SYT14: variants seen among roughly 807,000 people sequenced by gnomAD.
SYT14 encodes the protein synaptotagmin-14.
Under a neutral mutation model 74.2 loss-of-function variants are expected in SYT14, and 32 were observed. That is an observed-to-expected ratio of 0.43 (90% CI 0.33 to 0.58). The LOEUF is 0.58. Among genes scored for constraint, SYT14 ranks in the 20% least tolerant of loss-of-function variants. The pLI, the probability that SYT14 is intolerant of heterozygous loss-of-function variation, is 0.05. For synonymous variants in SYT14, 298 were observed against 337.7 expected (o/e 0.88, Z 1.29); for missense variants, 791 against 981.8 (o/e 0.81, Z 2.60).
At chr1:209,990,538 C>CGTATATATATATACGTATATATAT (rs2079648844) in intron 2 of SYT14, among the ~76,000 whole-genome samples, 1 of 40,072 alleles carries the variant, frequency 2.5e-5, no homozygotes, top group Non-Finnish European at 4.5e-5. Context: ...TATATATATA[C>CGTATATATATATACGTATATATAT]GTATATATAT....
Position 209,940,549 on chromosome 1 carries a change from G to T in SYT14, c.-534+2272G>T, listed in dbSNP as rs995608011. Among the ~76,000 whole-genome samples, 8 of 152,086 alleles carry T rather than the reference G, an allele frequency of 5.3e-5. No individual in the cohort carries two copies. In the South Asian group the frequency reaches 1.4e-3, roughly 28 times the overall value. The stretch of plus-strand genomic sequence containing the variant: ...CTAAGAGATGGATCATCTTTCCTTT[G>T]TATAAAAACATTCAATGATGATGGG... On this transcript the variant is annotated intron_variant, in intron 1 of 9. Coordinates refer to ENST00000637265, the Ensembl canonical transcript of SYT14.
At chr1:210,086,761 CAT>C (rs775103928) in intron 5 of SYT14, among the ~76,000 whole-genome samples, 16 of 152,144 alleles carry the variant, frequency 1.1e-4, no homozygotes, top group Non-Finnish European at 2.1e-4. Context: ...TATATGCACA[CAT>C]ATATGCACAT....
intron 1 of SYT14, among the ~76,000 whole-genome samples, chr1:209,947,040 A>G (rs1263087588): frequency 6.6e-6 from 1 of 152,182 alleles, no homozygotes; most frequent in African/African-American, 2.4e-5. Context: ...TGGTTTATTG[A>G]ATATTTTGAG....
At chr1:210,034,049 A>G (rs765450482) in intron 5 of SYT14, among the ~76,000 whole-genome samples, 1 of 151,894 alleles carries the variant, frequency 6.6e-6, no homozygotes, top group Non-Finnish European at 1.5e-5. Context: ...AACAATAGCT[A>G]TAATTTATGA....
intron 1 of SYT14, among the ~76,000 whole-genome samples, chr1:209,942,371 C>A (rs866675064): frequency 3.0e-5 from 4 of 131,722 alleles, no homozygotes; most frequent in Non-Finnish European, 6.4e-5. Flanking sequence ...CCCCCCCCCC[C>A]CCGCTCTGTT....
chr1:210,124,688 G>A (rs548255524), intron 7 of SYT14, among the ~76,000 whole-genome samples: 1 of 152,154 alleles, frequency 6.6e-6, no homozygotes, highest in Non-Finnish European at 1.5e-5. Flanking sequence ...GAAGTGTTTC[G>A]ATGTATAATC....
rs1017220489 is a variant in SYT14 at position 210,111,798 on chromosome 1, C to G, written c.2034+11337C>G. Among the ~76,000 whole-genome samples the G allele has an allele frequency of 2.0e-5, 3 of 151,342 alleles. 1 individual carries two copies. Among genetic ancestry groups the G allele is most frequent in the African/African-American group, 7.4e-5 (3 of 40,648 alleles). ...GACTAAGAATTGGGAGGACCCAGGA[C>G]ATCCAATTAGAGAGTGCCTAAGGGG... is the stretch of plus-strand genomic sequence containing the variant. On this transcript the variant is annotated intron_variant, in intron 7 of 9. Coordinates refer to ENST00000637265, the Ensembl canonical transcript of SYT14.
At chr1:210,031,089 CTT>C (rs35900057) in intron 5 of SYT14, among the ~76,000 whole-genome samples, 12 of 104,328 alleles carry the variant, frequency 1.2e-4, no homozygotes, top group South Asian at 3.5e-4. Flanking sequence ...CCATGCCTGT[CTT>C]TTTTTTTTTT....
At chr1:210,147,889 A>G (rs2083073516) in intron 7 of SYT14, among the ~76,000 whole-genome samples, 1 of 152,114 alleles carries the variant, frequency 6.6e-6, no homozygotes, top group Non-Finnish European at 1.5e-5. Context: ...TAAAAATCTG[A>G]GGAAAGAACA....
intron 2 of SYT14, among the ~76,000 whole-genome samples, chr1:209,972,481 A>G (rs2079273620): frequency 6.6e-6 from 1 of 151,874 alleles, no homozygotes; most frequent in South Asian, 2.1e-4. Context: ...AGGTAGGTGT[A>G]TAGCACTATG....
chr1:210,145,852 C>T (rs1405231839), intron 7 of SYT14, among the ~76,000 whole-genome samples: 1 of 152,102 alleles, frequency 6.6e-6, no homozygotes, highest in Non-Finnish European at 1.5e-5. Flanking sequence ...GTTTCTGTTA[C>T]CAGAGTTAAT....
chr1:210,013,813 C>G lies in SYT14; in HGVS notation c.-321+16C>G. The G allele has an allele frequency of 1.2e-6, 2 of 1,607,444 alleles. No homozygotes were observed. Among genetic ancestry groups the G allele is most frequent in the Non-Finnish European group, 1.7e-6 (2 of 1,177,350 alleles). On this transcript the variant is annotated intron_variant, in intron 3 of 9. Coordinates refer to ENST00000637265, the Ensembl canonical transcript of SYT14. The stretch of plus-strand genomic sequence containing the variant: ...GATAAAATTTGTAAGTATCGTATTG[C>G]TGCTTCTCTTGTTTGTTCTTTTTAT...
intron 5 of SYT14, among the ~76,000 whole-genome samples, chr1:210,043,053 T>G (rs1435726855): frequency 6.6e-6 from 1 of 152,240 alleles, no homozygotes; most frequent in Non-Finnish European, 1.5e-5. Flanking sequence ...TAGTTCTCCT[T>G]GAAGAGGTCC....
At chr1:210,150,293 G>T (rs1288144263) in intron 7 of SYT14, among the ~76,000 whole-genome samples, 1 of 152,180 alleles carries the variant, frequency 6.6e-6, no homozygotes, top group East Asian at 1.9e-4. Flanking sequence ...AGCTGCCTGT[G>T]TACAAACTGT....
intron 5 of SYT14, among the ~76,000 whole-genome samples, chr1:210,075,961 C>A (rs1374880429): frequency 6.6e-6 from 1 of 152,110 alleles, no homozygotes; most frequent in Non-Finnish European, 1.5e-5. Flanking sequence ...ATATAATTTT[C>A]TTTCCCATAG....
chr1:210,109,449 G>A lies in SYT14; in HGVS notation c.2034+8988G>A, dbSNP rs139950148. Reference sequence around the variant, plus strand: ...AAAAATTAGCTGGGCATGGTTGCGCGCACCTGTAGTCCCAGCTATTCGGGA... The same window carrying A: ...AAAAATTAGCTGGGCATGGTTGCGCACACCTGTAGTCCCAGCTATTCGGGA... On this transcript the variant is annotated intron_variant, in intron 7 of 9. Transcript: ENST00000637265. Among the ~76,000 whole-genome samples, 776 of 151,962 alleles carry A rather than the reference G, an allele frequency of 5.1e-3. 5 individuals are homozygous for A. Among genetic ancestry groups the A allele is most frequent in the African/African-American group, 0.016 (682 of 41,454 alleles).
At chr1:210,164,003 A>G in exon 10 of SYT14, 1 of 453,180 alleles carries the variant, frequency 2.2e-6, no homozygotes, top group Non-Finnish European at 4.4e-6. Flanking sequence ...ATCGACTGGC[A>G]TTTATGGGAG....
chr1:209,958,044 T>G (rs898188761), intron 2 of SYT14, among the ~76,000 whole-genome samples: 1 of 152,192 alleles, frequency 6.6e-6, no homozygotes, highest in Non-Finnish European at 1.5e-5. Context: ...TTAAGAGATT[T>G]AGTCTTGCTT....
At chr1:210,028,291 A>G (rs924287059) in intron 5 of SYT14, among the ~76,000 whole-genome samples, 1 of 152,154 alleles carries the variant, frequency 6.6e-6, no homozygotes, top group African/African-American at 2.4e-5. Context: ...CACATAACAT[A>G]AAATTTACCA....
Sources: gnomAD v4.1 joint callset for allele counts (sites outside exome capture counted in the v4.1 genomes callset) on GRCh38, gnomAD v4.1.1 for gene constraint, MANE v1.5 for transcripts, NCBI Gene and HGNC (gene_info 2026-07-23, HGNC 2026-07-21) for gene names.